Variants in MAP3K13 observed in about 807,000 individuals in gnomAD.
MAP3K13 encodes mitogen-activated protein kinase kinase kinase 13.
MAP3K13 carries 52 observed loss-of-function variants against 104.0 expected under a neutral mutation model. The observed-to-expected ratio is 0.50, with a 90% CI of 0.40 to 0.63. MAP3K13 has a LOEUF of 0.63. Ranked by LOEUF, MAP3K13 falls within the 20% of genes least tolerant of loss-of-function variation. The probability of loss-of-function intolerance (pLI) is 0.00; values close to 1 mark genes in which losing one functional copy is unlikely to be tolerated. For missense variants in MAP3K13, 914 were observed against 1,218.5 expected (o/e 0.75, Z 3.72); for synonymous variants, 394 against 442.2 (o/e 0.89, Z 1.37).
At chr3:185,321,250 T>C (rs1382194668) in intron 2 of MAP3K13, among the ~76,000 whole-genome samples, 1 of 152,194 alleles carries the variant, frequency 6.6e-6, no homozygotes, top group Admixed American at 6.5e-5. Flanking sequence ...GTGTATATTA[T>C]ATATATGCAC....
At chr3:185,284,539 A>C (rs1720437344) in intron 1 of MAP3K13, among the ~76,000 whole-genome samples, 1 of 152,032 alleles carries the variant, frequency 6.6e-6, no homozygotes, top group Non-Finnish European at 1.5e-5. Context: ...AACATGGTGA[A>C]ACCCCATCTC....
chr3:185,331,092 C>CTTTT (rs34204309), intron 2 of MAP3K13, among the ~76,000 whole-genome samples: 48,119 of 108,140 alleles, frequency 0.44, 13,385 homozygotes, highest in Non-Finnish European at 0.56. Context: ...CCTAATTTAC[C>CTTTT]TTTTTTTTTT....
intron 2 of MAP3K13, among the ~76,000 whole-genome samples, chr3:185,304,874 C>T (rs1323021890): frequency 1.1e-4 from 16 of 152,230 alleles, no homozygotes; most frequent in African/African-American, 2.6e-4. Context: ...CTTTGTGATC[C>T]GCCCCCTTCG....
At chr3:185,452,380 C>T (rs1383149748) in intron 7 of MAP3K13, among the ~76,000 whole-genome samples, 1 of 152,040 alleles carries the variant, frequency 6.6e-6, no homozygotes, top group Non-Finnish European at 1.5e-5. Flanking sequence ...TGCACCACCA[C>T]ACCTGGCTAA....
chr3:185,361,442 C>A (rs1472021269), upstream of MAP3K13, among the ~76,000 whole-genome samples: 1 of 150,972 alleles, frequency 6.6e-6, no homozygotes, highest in Non-Finnish European at 1.5e-5. Flanking sequence ...GCTCTGTCAC[C>A]CAGGCTGGAG....
intron 2 of MAP3K13, among the ~76,000 whole-genome samples, chr3:185,345,975 T>C (rs1722906867): frequency 6.6e-6 from 1 of 152,186 alleles, no homozygotes; most frequent in African/African-American, 2.4e-5. Context: ...GAAAAAATTG[T>C]AACAAGTTTT....
intron 11 of MAP3K13, among the ~76,000 whole-genome samples, chr3:185,475,908 T>A (rs1718094614): frequency 6.6e-6 from 1 of 152,212 alleles, no homozygotes; most frequent in Non-Finnish European, 1.5e-5. Flanking sequence ...TTTGGGCCGA[T>A]CCATTCTCTC....
intron 7 of MAP3K13, among the ~76,000 whole-genome samples, chr3:185,453,956 G>GAT: frequency 2.1e-5 from 1 of 48,164 alleles, no homozygotes; most frequent in African/African-American, 6.0e-5. Context: ...ACATATATAT[G>GAT]AGATATATAT....
At chr3:185,330,201 T>G (rs1319367610) in intron 2 of MAP3K13, among the ~76,000 whole-genome samples, 9 of 151,960 alleles carry the variant, frequency 5.9e-5, no homozygotes, top group Admixed American at 5.9e-4. Flanking sequence ...GCGCCCGGCC[T>G]AGCCAGTAGC....
chr3:185,361,086 G>GTA (rs536100470), upstream of MAP3K13, among the ~76,000 whole-genome samples: 11,300 of 144,854 alleles, frequency 0.078, 556 homozygotes, highest in East Asian at 0.2. Context: ...ATGTGTATGT[G>GTA]TATATATATA....
rs1191027735 is a variant in MAP3K13 at position 185,394,834 on chromosome 3, C to G, written c.-86+31466C>G. 5.9e-5 allele frequency among the ~76,000 whole-genome samples: 9 copies of G among 152,288 alleles called. No homozygotes were observed. The East Asian group carries it at 1.7e-3, about 29-fold the overall frequency. On this transcript the variant is annotated intron_variant, in intron 1 of 13. Transcript: ENST00000265026. ...TTTGAAATCAGATGGACTGAACAAG[C>G]AATCTACTGACTGTGTAACATTAGA...
At chr3:185,421,818 T>C (rs9848180) in intron 1 of MAP3K13, among the ~76,000 whole-genome samples, 36,925 of 151,954 alleles carry the variant, frequency 0.24, 5,282 homozygotes, top group African/African-American at 0.4. Context: ...AGCGTGTGGG[T>C]GTGCATACAA....
Position 185,472,870 on chromosome 3 carries a change from G to A in MAP3K13, c.1644-105G>A, listed in dbSNP as rs1427332318. Reference sequence around the variant, plus strand: ...TTATCTCTATTGGATAAATCCTGATGACTGCTGATTCAAAGGCTCTGTGTA... The same window carrying A: ...TTATCTCTATTGGATAAATCCTGATAACTGCTGATTCAAAGGCTCTGTGTA... On this transcript the variant is annotated intron_variant, in intron 10 of 13. Transcript: ENST00000265026. 5 of 1,025,972 alleles carry A rather than the reference G, an allele frequency of 4.9e-6. No homozygotes were observed. In the East Asian group the frequency reaches 1.2e-4, roughly 25 times the overall value. 63.6% of individuals were successfully genotyped at this position (1,025,972 alleles called of 1,614,324 possible).
Position 185,454,403 on chromosome 3 carries a change from TATATATGAG to T in MAP3K13, c.1278+3024_1278+3032del, listed in dbSNP as rs1247735869. On this transcript the variant is annotated intron_variant, in intron 7 of 13. Coordinates refer to ENST00000265026, the MANE Select transcript of MAP3K13 (RefSeq NM_004721.5). ...AGATATATGAGATATATATGAGATA[TATATATGAG>T]ATATATGAGATATATATGATATATA... Among the ~76,000 whole-genome samples, 77 of 22,098 alleles carry T rather than the reference TATATATGAG, an allele frequency of 3.5e-3. 13 individuals carry two copies. The highest frequency in any genetic ancestry group is 5.8e-3 in the African/African-American group (72 of 12,372). 14.5% of individuals were successfully genotyped at this position (22,098 alleles called of 152,430 possible).
At chr3:185,358,424 T>C (rs572215533), upstream of MAP3K13, among the ~76,000 whole-genome samples, 8 of 152,282 alleles carry the variant, frequency 5.3e-5, no homozygotes, top group African/African-American at 1.9e-4. Flanking sequence ...TGAATCTTCC[T>C]TATAATAATT....
chr3:185,289,617 CAA>C (rs1720659158), intron 2 of MAP3K13, among the ~76,000 whole-genome samples: 1 of 151,946 alleles, frequency 6.6e-6, no homozygotes, highest in African/African-American at 2.4e-5. Context: ...TTAGAAGTAA[CAA>C]ACCATGAAGA....
chr3:185,440,415 T>C (rs1431973192), intron 3 of MAP3K13, among the ~76,000 whole-genome samples: 1 of 152,208 alleles, frequency 6.6e-6, no homozygotes, highest in Non-Finnish European at 1.5e-5. Flanking sequence ...TTTATGTTGA[T>C]ATACTTAAGC....
intron 1 of MAP3K13, among the ~76,000 whole-genome samples, chr3:185,374,591 G>A (rs55822640): frequency 0.21 from 32,041 of 151,964 alleles, 3,530 homozygotes; most frequent in African/African-American, 0.28. Flanking sequence ...GAGGACCCAG[G>A]ACATCCAATT....
At chr3:185,334,772 C>T (rs1310251861) in intron 2 of MAP3K13, among the ~76,000 whole-genome samples, 1 of 152,052 alleles carries the variant, frequency 6.6e-6, no homozygotes, top group Admixed American at 6.6e-5. Context: ...CCACACGTGG[C>T]TAATTTTTGT....
Sources: gnomAD v4.1 joint callset for allele counts (sites outside exome capture counted in the v4.1 genomes callset) on GRCh38, gnomAD v4.1.1 for gene constraint, MANE v1.5 for transcripts, NCBI Gene and HGNC (gene_info 2026-07-23, HGNC 2026-07-21) for gene names.